The following ACACA variants were observed in gnomAD, a reference collection of about 807,000 sequenced individuals.
ACACA encodes acetyl-CoA carboxylase 1.
In ACACA, 103 loss-of-function variants were observed where a neutral mutation model predicts 296.1. The observed-to-expected ratio is 0.35, with a 90% confidence interval of 0.30 to 0.41. ACACA has a LOEUF of 0.41. Among genes scored for constraint, ACACA ranks in the 10% least tolerant of loss-of-function variants. ACACA has a pLI of 1.00. For synonymous variants in ACACA, 953 were observed against 1,038.6 expected (o/e 0.92, Z 1.58); for missense variants, 1,554 against 2,989.7 (o/e 0.52, Z 11.20).
At chr17:37,272,090 T>A (rs895618082) in intron 9 of ACACA, among the ~76,000 whole-genome samples, 1 of 152,098 alleles carries the variant, frequency 6.6e-6, no homozygotes, top group Admixed American at 6.6e-5. Context: ...ACACCTGTAA[T>A]CCCAGCACTT....
intron 3 of ACACA, among the ~76,000 whole-genome samples, chr17:37,315,858 T>G (rs1274227618): frequency 6.6e-6 from 1 of 152,154 alleles, no homozygotes; most frequent in Non-Finnish European, 1.5e-5. Context: ...GCATGGCTGA[T>G]TAAATCTCTG....
intron 1 of ACACA, among the ~76,000 whole-genome samples, chr17:37,340,731 G>C (rs539609721): frequency 2.0e-5 from 3 of 152,266 alleles, no homozygotes; most frequent in African/African-American, 7.2e-5. Context: ...CAACTGAGAA[G>C]AGGAAGGAAA....
At chr17:37,378,032 T>C in intron 1 of ACACA, 2 of 1,389,728 alleles carry the variant, frequency 1.4e-6, no homozygotes, top group East Asian at 4.6e-5. Flanking sequence ...TTAAAAGATA[T>C]CTCATCTTCC....
Position 37,088,925 on chromosome 17 carries a change from A to G in ACACA, c.7028+13T>C. Reference sequence around the variant, plus strand: ...CCCTCCTTCTCTAGTGGAGTTCCCCACGTTGGTCTCACCTGCGGATTTGCT... The same window carrying G: ...CCCTCCTTCTCTAGTGGAGTTCCCCGCGTTGGTCTCACCTGCGGATTTGCT... On this transcript the variant is annotated intron_variant, in intron 55 of 55. Coordinates refer to ENST00000616317, the MANE Select transcript of ACACA (RefSeq NM_198834.3). The G allele has an allele frequency of 6.2e-7, 1 of 1,614,110 alleles. No homozygotes were observed. Among genetic ancestry groups the G allele is most frequent in the Non-Finnish European group, 8.5e-7 (1 of 1,179,994 alleles).
At chr17:37,276,123 AT>A in intron 7 of ACACA, 74 bp from the exon 8 acceptor site, 1 of 1,068,700 alleles carries the variant, frequency 9.4e-7, no homozygotes, top group Non-Finnish European at 1.5e-6. Flanking sequence ...GTTGCCTTGT[AT>A]TATAGCTATT....
At chr17:37,227,559 T>C (rs747678365) in intron 25 of ACACA, among the ~76,000 whole-genome samples, 1 of 151,958 alleles carries the variant, frequency 6.6e-6, no homozygotes, top group Non-Finnish European at 1.5e-5. Flanking sequence ...AAATAAAAAA[T>C]AAAAATAAAT....
intron 5 of ACACA, among the ~76,000 whole-genome samples, chr17:37,281,577 A>G (rs1214432362): frequency 6.6e-6 from 1 of 152,168 alleles, no homozygotes; most frequent in Non-Finnish European, 1.5e-5. Flanking sequence ...AATGAGGAAA[A>G]AGAAACCGGA....
Position 37,097,244 on chromosome 17 carries a change from T to TA in ACACA, c.6721-79dup. 1 of 1,519,560 alleles carries TA rather than the reference T, an allele frequency of 6.6e-7. No individual in the cohort carries two copies. The highest frequency in any genetic ancestry group is 9.0e-7 in the Non-Finnish European group (1 of 1,117,054). 94.1% of individuals were successfully genotyped at this position (1,519,560 alleles called of 1,614,324 possible). ...CAGTCTGGAGGGAAACCCACAGGCA[T>TA]AAAAACTGATTCTCCAGGCAAGCCC... On this transcript the variant is annotated intron_variant, in intron 53 of 55. Coordinates refer to ENST00000616317, the MANE Select transcript of ACACA (RefSeq NM_198834.3). The surrounding 1 kb of genome is among the most constrained non-coding windows in gnomAD (Gnocchi z 4.8).
At chr17:37,205,337 G>A (rs925714611) in intron 33 of ACACA, among the ~76,000 whole-genome samples, 1 of 152,140 alleles carries the variant, frequency 6.6e-6, no homozygotes, top group Non-Finnish European at 1.5e-5. Flanking sequence ...GATGTCAACA[G>A]GAGATATCCA....
chr17:37,142,440 T>A (rs2075630013), intron 45 of ACACA, among the ~76,000 whole-genome samples: 1 of 152,236 alleles, frequency 6.6e-6, no homozygotes, highest in African/African-American at 2.4e-5. Flanking sequence ...CAATATTTTA[T>A]GTGTGGGGAG....
In ACACA at chr17:37,330,177, T is replaced by C. The variant is rs746914772; in HGVS notation, c.334A>G (p.Ile112Val). The change falls in exon 3 of 56, where the codon ATA (isoleucine) becomes GTA (valine). Residue 112 changes from isoleucine to valine, a missense_variant. Physicochemically the swap from Ile to Val is conservative, Grantham distance 29. Coordinates refer to ENST00000616317, the MANE Select transcript of ACACA (RefSeq NM_198834.3). ...SSLQDGLALH[I>V]RSSMSGLHLV... Reference sequence around the variant, plus strand: ...GACCATTGAACTCTCTCTTACCTTATGTGCAAGGCCAAGCCATCCTGTAGG... The same window carrying C: ...GACCATTGAACTCTCTCTTACCTTACGTGCAAGGCCAAGCCATCCTGTAGG... 3 of 1,614,182 alleles carry C rather than the reference T, an allele frequency of 1.9e-6. No homozygotes were observed. Among genetic ancestry groups the C allele is most frequent in the Non-Finnish European group, 2.5e-6 (3 of 1,180,040 alleles).
intron 48 of ACACA, 52 bp downstream of exon 48, chr17:37,125,646 T>G: frequency 7.0e-7 from 1 of 1,437,992 alleles, no homozygotes; most frequent in Admixed American, 1.7e-5. Flanking sequence ...GCTCTTTCTT[T>G]CTTATTTTTA....
At chr17:37,130,321 A>G in intron 45 of ACACA, 103 bp from the exon 46 acceptor site, 2 of 1,417,094 alleles carry the variant, frequency 1.4e-6, no homozygotes, top group African/African-American at 2.8e-5. Context: ...CACAAAACAG[A>G]GATTTCAGTC....
chr17:37,267,766 T>TC (rs1281365632), intron 10 of ACACA, among the ~76,000 whole-genome samples: 91 of 145,132 alleles, frequency 6.3e-4, no homozygotes, highest in Non-Finnish European at 7.8e-4. Context: ...TTCTTCTTCT[T>TC]TTTTTTTTTT....
chr17:37,249,054 TC>T (rs1473563371), intron 16 of ACACA, among the ~76,000 whole-genome samples: 12 of 152,224 alleles, frequency 7.9e-5, no homozygotes, highest in Admixed American at 4.6e-4. Context: ...CATTCTACTT[TC>T]TAGTTCTATG....
At chr17:37,379,408 C>A in intron 1 of ACACA, 1 of 1,604,090 alleles carries the variant, frequency 6.2e-7, no homozygotes, top group Non-Finnish European at 8.5e-7. Flanking sequence ...AGGAAGGGGG[C>A]AGGCACTAAC....
intron 33 of ACACA, among the ~76,000 whole-genome samples, chr17:37,202,617 G>C (rs1447519409): frequency 2.1e-5 from 3 of 140,086 alleles, no homozygotes; most frequent in African/African-American, 8.0e-5. Flanking sequence ...AAAACTAGTT[G>C]CCACTTTATC....
intron 45 of ACACA, among the ~76,000 whole-genome samples, chr17:37,136,112 C>G (rs555034972): frequency 6.6e-6 from 1 of 151,840 alleles, no homozygotes; most frequent in Admixed American, 6.6e-5. Flanking sequence ...CAAAACTGTC[C>G]ATCATAAGGT....
At chr17:37,124,765 A>T (rs2074695410) in intron 48 of ACACA, among the ~76,000 whole-genome samples, 1 of 152,190 alleles carries the variant, frequency 6.6e-6, no homozygotes, top group Non-Finnish European at 1.5e-5. Context: ...ACAGAGGAAG[A>T]CCCTGTCTGT....
Sources: allele counts gnomAD v4.1 joint callset (sites outside exome capture counted in the v4.1 genomes callset), GRCh38; gene constraint gnomAD v4.1.1; non-coding constraint Gnocchi (gnomAD v3.1); transcripts MANE v1.5; gene names NCBI Gene and HGNC (gene_info 2026-07-23, HGNC 2026-07-21).